PLXNA4: variants seen among roughly 807,000 people sequenced by gnomAD.
The protein encoded by PLXNA4 is plexin A4.
A neutral mutation model predicts 191.8 loss-of-function variants in PLXNA4; 44 were observed. The observed-to-expected ratio is 0.23, with a 90% CI of 0.18 to 0.29. PLXNA4 has a LOEUF of 0.29. Among genes scored for constraint, PLXNA4 ranks in the 10% least tolerant of loss-of-function variants. PLXNA4 has a pLI of 1.00. For missense variants in PLXNA4, 1,800 were observed against 2,488.8 expected (o/e 0.72, Z 5.89); for synonymous variants, 1,082 against 1,009.5 (o/e 1.07, Z -1.36).
At chr7:132,354,208 T>G (rs1324834540) in intron 3 of PLXNA4, among the ~76,000 whole-genome samples, 1 of 151,804 alleles carries the variant, frequency 6.6e-6, no homozygotes, top group Non-Finnish European at 1.5e-5. Flanking sequence ...TGTGTGTGAG[T>G]GCACTGCACA....
intron 3 of PLXNA4, among the ~76,000 whole-genome samples, chr7:132,388,505 A>G (rs558854046): frequency 3.3e-5 from 5 of 152,284 alleles, no homozygotes; most frequent in Middle Eastern, 3.4e-3. Context: ...ATTGTATTGT[A>G]ATAGTCTACC....
At chr7:132,150,723 C>A (rs1388633712) in intron 25 of PLXNA4, among the ~76,000 whole-genome samples, 1 of 152,218 alleles carries the variant, frequency 6.6e-6, no homozygotes, top group Admixed American at 6.5e-5. Context: ...AAGGGCACTG[C>A]TTGCTGATAA....
rs1795439908 is a variant in PLXNA4, at chr7:132,146,560, C to T, written c.5005G>A (p.Gly1669Arg). Residue 1669 changes from glycine (G) to arginine (R), a missense_variant, in exon 28 of 32, where the codon GGG (glycine) becomes AGG (arginine). Gly to Arg is a moderately radical substitution (Grantham distance 125). Around this residue, in one of 6 missense-constraint regions of PLXNA4, gnomAD observed 214 missense variants for 298.2 expected, o/e 0.72. Coordinates refer to ENST00000321063, the MANE Select transcript of PLXNA4 (RefSeq NM_020911.2). Reference protein sequence around the residue: ...EHGDQKEGDRGSKMVSEIYLT... With the variant: ...EHGDQKEGDRRSKMVSEIYLT... Reference sequence around the variant, plus strand: ...TAGATTTCAGACACCATCTTGCTCCCCCGGTCCCCCTCCTTCTGGTCTCCG... The same window carrying T: ...TAGATTTCAGACACCATCTTGCTCCTCCGGTCCCCCTCCTTCTGGTCTCCG... The T allele has an allele frequency of 1.2e-6, 2 of 1,614,024 alleles. No individual in the cohort carries two copies. Among genetic ancestry groups the T allele is most frequent in the Non-Finnish European group, 1.7e-6 (2 of 1,180,036 alleles).
intron 5 of PLXNA4, among the ~76,000 whole-genome samples, chr7:132,234,080 T>TGGAG (rs1239140466): frequency 6.7e-6 from 1 of 148,784 alleles, no homozygotes; most frequent in African/African-American, 2.5e-5. Context: ...AGAGCAGGAG[T>TGGAG]GGAGGGAGGG....
At chr7:132,614,179 C>G (rs1393364102) in intron 2 of PLXNA4, among the ~76,000 whole-genome samples, 1 of 152,054 alleles carries the variant, frequency 6.6e-6, no homozygotes, top group Non-Finnish European at 1.5e-5. Flanking sequence ...TTTATTTAAC[C>G]CAATATTAAT....
chr7:132,467,556 T>G (rs191618480), intron 3 of PLXNA4, among the ~76,000 whole-genome samples: 12 of 152,336 alleles, frequency 7.9e-5, no homozygotes, highest in Non-Finnish European at 1.5e-4. Context: ...TCCCAGTGCA[T>G]GTCCTAAGCA....
chr7:132,299,793 A>C (rs1173694198), intron 3 of PLXNA4, among the ~76,000 whole-genome samples: 1 of 152,194 alleles, frequency 6.6e-6, no homozygotes, highest in East Asian at 1.9e-4. Flanking sequence ...ACTCTCTGCC[A>C]CAGTGATTAA....
chr7:132,620,596 C>T (rs1444229082), intron 2 of PLXNA4, among the ~76,000 whole-genome samples: 2 of 152,194 alleles, frequency 1.3e-5, no homozygotes, highest in African/African-American at 4.8e-5. Context: ...ACCTTCCAGA[C>T]TCTTCCCTGT....
chr7:132,603,884 G>C (rs764833192), intron 2 of PLXNA4, among the ~76,000 whole-genome samples: 1 of 152,166 alleles, frequency 6.6e-6, no homozygotes. Context: ...AATTTGGGGC[G>C]GGGTCCTTTG....
In PLXNA4 at chr7:132,168,448, C is replaced by T. The variant is rs368621356; in HGVS notation, c.4142G>A (p.Arg1381His). 4 of 1,613,902 alleles carry T rather than the reference C, an allele frequency of 2.5e-6. No homozygotes were observed. Among genetic ancestry groups the T allele is most frequent in the Admixed American group, 1.7e-5 (1 of 59,988 alleles). ...GAGTGAGGCCACGTTGCCACGGTCG[C>T]GCATGGAGAAGCTACGCTGGGACTC... ...TLESQRSFSM[R>H]DRGNVASLIM... Residue 1381 changes from arginine to histidine, a missense_variant, in exon 22 of 32, where the codon CGC (arginine) becomes CAC (histidine). By Grantham distance (29) the Arg-to-His change is conservative. This residue lies in a region of PLXNA4 where 1,397 missense variants were observed against 1,880.4 expected (regional missense o/e 0.74). Transcript: ENST00000321063.
chr7:132,474,183 C>G (rs976381114), intron 3 of PLXNA4, among the ~76,000 whole-genome samples: 1 of 151,388 alleles, frequency 6.6e-6, no homozygotes. Context: ...GTCAGACCCA[C>G]AGGGCTGAGC....
intron 3 of PLXNA4, among the ~76,000 whole-genome samples, chr7:132,316,813 C>T (rs1801962280): frequency 6.6e-6 from 1 of 152,024 alleles, no homozygotes; most frequent in Admixed American, 6.5e-5. Flanking sequence ...AAGAAAAGTA[C>T]ACAATTTAGT....
upstream of PLXNA4, among the ~76,000 whole-genome samples, chr7:132,580,122 T>C (rs1251659657): frequency 5.3e-5 from 8 of 152,174 alleles, no homozygotes; most frequent in African/African-American, 1.7e-4. Flanking sequence ...ATCTTATTAA[T>C]GTGCTTTGAA....
chr7:132,249,483 G>A (rs1449726646), intron 4 of PLXNA4, among the ~76,000 whole-genome samples: 3 of 152,194 alleles, frequency 2.0e-5, no homozygotes, highest in Admixed American at 6.5e-5. Flanking sequence ...AGCTCTCAGC[G>A]TGCTTTCTGC....
At chr7:132,630,453 C>T (rs999209734) in intron 2 of PLXNA4, among the ~76,000 whole-genome samples, 9 of 152,246 alleles carry the variant, frequency 5.9e-5, no homozygotes, top group Admixed American at 3.3e-4. Flanking sequence ...TCATGTGCCC[C>T]GTTGCTTTTC....
At chr7:132,227,361 G>A in intron 7 of PLXNA4, 90 bp downstream of exon 7, 1 of 1,538,144 alleles carries the variant, frequency 6.5e-7, no homozygotes. Context: ...CTGCCTGCAG[G>A]TTGCTTTGAT....
chr7:132,623,652 C>T (rs186549122), intron 2 of PLXNA4, among the ~76,000 whole-genome samples: 49 of 152,224 alleles, frequency 3.2e-4, no homozygotes, highest in African/African-American at 1.1e-3. Context: ...ACCTAGAGTC[C>T]CTCCTGTTTG....
Position 132,424,721 on chromosome 7 carries a change from C to T in PLXNA4, c.1371+64571G>A, listed in dbSNP as rs73726052. On this transcript the variant is annotated intron_variant, in intron 3 of 31. Transcript: ENST00000321063. ...ATAAATGTTTGGGGTGATGCATATC[C>T]CAGTTACCCAGATCTGATGGTTACA... is the stretch of plus-strand genomic sequence containing the variant. Among the ~76,000 whole-genome samples the T allele has an allele frequency of 5.3e-3, 806 of 152,320 alleles. 15 individuals are homozygous for T. The highest frequency in any genetic ancestry group is 0.018 in the African/African-American group (769 of 41,572).
intron 3 of PLXNA4, among the ~76,000 whole-genome samples, chr7:132,367,415 A>G (rs1024523709): frequency 6.6e-6 from 1 of 152,026 alleles, no homozygotes; most frequent in Admixed American, 6.6e-5. Context: ...CTCAAAAAGG[A>G]TACACACTCG....
Sources: allele counts gnomAD v4.1 joint callset (sites outside exome capture counted in the v4.1 genomes callset), GRCh38; gene constraint gnomAD v4.1.1; regional missense constraint gnomAD v4.1.1; transcripts MANE v1.5; gene names NCBI Gene and HGNC (gene_info 2026-07-23, HGNC 2026-07-21).